GLB1: variants seen among roughly 807,000 people sequenced by gnomAD.
The protein encoded by GLB1 is beta-galactosidase.
Under a neutral mutation model 74.0 loss-of-function variants are expected in GLB1, and 56 were observed. The observed-to-expected ratio is 0.76, with a 90% CI of 0.61 to 0.94. GLB1 has a LOEUF of 0.94. Ranked by LOEUF, GLB1 falls within the 40% of genes least tolerant of loss-of-function variation. The pLI is 0.00. For missense variants in GLB1, 787 were observed against 845.5 expected, an observed-to-expected ratio of 0.93 and a Z score of 0.86; for synonymous variants, 323 against 323.6, an observed-to-expected ratio of 1.00 and a Z score of 0.02.
chr3:33,059,244 T>TACACACACAC (rs55785242), intron 5 of GLB1, among the ~76,000 whole-genome samples: 11 of 144,352 alleles, frequency 7.6e-5, no homozygotes, highest in African/African-American at 1.8e-4. Flanking sequence ...ATATAAAACA[T>TACACACACAC]ACACACACAC....
At chr3:33,081,640 C>T (rs145909688) in intron 1 of GLB1, among the ~76,000 whole-genome samples, 1 of 152,326 alleles carries the variant, frequency 6.6e-6, no homozygotes, top group Non-Finnish European at 1.5e-5. Flanking sequence ...AAGGGGCGCC[C>T]TAGTGTCGCT....
chr3:33,089,499 C>A (rs1174899976), intron 1 of GLB1, among the ~76,000 whole-genome samples: 1 of 152,052 alleles, frequency 6.6e-6, no homozygotes, highest in Non-Finnish European at 1.5e-5. Flanking sequence ...ATACAGGTGG[C>A]CAACAAGCCC....
chr3:33,042,765 T>A (rs1698559693), intron 10 of GLB1, among the ~76,000 whole-genome samples: 1 of 152,226 alleles, frequency 6.6e-6, no homozygotes, highest in Non-Finnish European at 1.5e-5. Flanking sequence ...TCTCACTGGC[T>A]GCATTCTGCC....
At chr3:33,048,636 T>G (rs1011232613) in intron 9 of GLB1, among the ~76,000 whole-genome samples, 2 of 152,148 alleles carry the variant, frequency 1.3e-5, no homozygotes, top group Admixed American at 1.3e-4. Flanking sequence ...GAACAGCTGC[T>G]AAGTACAGAC....
At chr3:33,018,653 T>C in intron 12 of GLB1, 92 bp from the exon 13 acceptor site, 2 of 1,354,966 alleles carry the variant, frequency 1.5e-6, no homozygotes, top group Middle Eastern at 1.9e-4. Context: ...GCGATGTTTC[T>C]CAAACCATAA....
the GLB1 span, among the ~76,000 whole-genome samples, chr3:32,967,416 A>T: frequency 6.6e-6 from 1 of 152,160 alleles, no homozygotes; most frequent in African/African-American, 2.4e-5. Context: ...AAAATACAAA[A>T]ATTAGTCAGG....
Position 33,058,111 on chromosome 3 carries a change from G to A in GLB1, c.711C>T (p.Tyr237=), listed in dbSNP as rs757982518. The change falls in exon 6 of 16, where the codon TAC becomes TAT. Residue 237 remains tyrosine, a synonymous_variant. Coordinates refer to ENST00000307363, the MANE Select transcript of GLB1 (RefSeq NM_000404.4). Reference sequence around the variant, plus strand: ...AACCTGTTCCAAAGTCCACCGTGGTGTAGAGGCCCTGCAGGGCCCCACATT... The same window carrying A: ...AACCTGTTCCAAAGTCCACCGTGGTATAGAGGCCCTGCAGGGCCCCACATT... ...FLKCGALQGL[Y]TTVDFGTGSN... 6.8e-6 allele frequency: 11 copies of A among 1,613,890 alleles called. No individual in the cohort carries two copies. The South Asian group carries it at 1.1e-4, about 16-fold the overall frequency.
Position 33,014,185 on chromosome 3 carries a change from ATGG to A in GLB1, c.1602_1604del (p.His535del), listed in dbSNP as rs1697144619. ...ATGAGTTGTGGGCCCAGGCTTCATCATGGTGGCCACTGTCACGGTGTCCCCAGC... is the reference window on the plus strand; with the variant it reads ...ATGAGTTGTGGGCCCAGGCTTCATCATGGCCACTGTCACGGTGTCCCCAGC... On this transcript the variant is annotated inframe_deletion, in exon 15 of 16. Coordinates refer to ENST00000307363, the MANE Select transcript of GLB1 (RefSeq NM_000404.4). 1.2e-6 allele frequency: 2 copies of A among 1,614,104 alleles called. No homozygotes were observed. Among genetic ancestry groups the A allele is most frequent in the Non-Finnish European group, 1.7e-6 (2 of 1,180,018 alleles).
intron 1 of GLB1, chr3:33,092,242 T>C: frequency 1.0e-6 from 1 of 985,750 alleles, no homozygotes; most frequent in African/African-American, 1.7e-5. Context: ...GAGCTTTGCA[T>C]TCCAGTAGAT....
At chr3:33,028,046 A>C (rs975558522) in intron 10 of GLB1, among the ~76,000 whole-genome samples, 1 of 151,980 alleles carries the variant, frequency 6.6e-6, no homozygotes, top group South Asian at 2.1e-4. Context: ...GACTATAGGC[A>C]TGCACCACCA....
chr3:33,057,922 C>T (rs991847914), intron 6 of GLB1, among the ~76,000 whole-genome samples, 167 bp downstream of exon 6: 2 of 152,210 alleles, frequency 1.3e-5, no homozygotes, highest in Non-Finnish European at 2.9e-5. Flanking sequence ...TACAGATAAC[C>T]CTCTGTTACT....
intron 5 of GLB1, among the ~76,000 whole-genome samples, chr3:33,062,090 T>A (rs1699465294): frequency 6.6e-6 from 1 of 152,208 alleles, no homozygotes; most frequent in Non-Finnish European, 1.5e-5. Context: ...AAAACCAGCA[T>A]CAAGAATTGA....
the GLB1 span, among the ~76,000 whole-genome samples, chr3:32,965,345 T>C: frequency 6.6e-6 from 1 of 152,102 alleles, no homozygotes; most frequent in African/African-American, 2.4e-5. Context: ...ATTGAGGTGG[T>C]CTCAGATGGA....
intron 1 of GLB1, among the ~76,000 whole-genome samples, chr3:33,080,039 A>G (rs925585386): frequency 6.6e-6 from 1 of 151,378 alleles, no homozygotes; most frequent in African/African-American, 2.4e-5. Context: ...CCACCTCACG[A>G]TCGCAAAGTT....
chr3:33,058,145 G>A lies in GLB1; in HGVS notation c.677C>T (p.Thr226Ile), dbSNP rs1321883475. Residue 226 changes from threonine (T) to isoleucine (I), a missense_variant, in exon 6 of 16, where the codon ACA (threonine) becomes ATA (isoleucine). Physicochemically the swap from Thr to Ile is moderately conservative, Grantham distance 89. Transcript: ENST00000307363. Reference protein sequence around the residue: ...VLFTTDGAHKTFLKCGALQGL... With the variant: ...VLFTTDGAHKIFLKCGALQGL... ...CTGCAGGGCCCCACATTTCAGGAAT[G>A]TTTTATGTGCTCCATCAGTGGTAAA... is the stretch of plus-strand genomic sequence containing the variant. 1.2e-6 allele frequency: 2 copies of A among 1,614,020 alleles called. No homozygotes were observed. Among genetic ancestry groups the A allele is most frequent in the African/African-American group, 2.7e-5 (2 of 74,930 alleles).
At chr3:32,962,713 T>C in the GLB1 span, among the ~76,000 whole-genome samples, 18 of 151,402 alleles carry the variant, frequency 1.2e-4, no homozygotes, top group Non-Finnish European at 2.2e-4. Flanking sequence ...TGAAAGAGAA[T>C]AGAAATAAAT....
intron 1 of GLB1, chr3:33,096,540 T>A (rs991929245): frequency 2.0e-6 from 2 of 984,592 alleles, no homozygotes; most frequent in African/African-American, 3.5e-5. Flanking sequence ...AGAGGGGAAA[T>A]AACCCAATGT....
At chr3:33,005,921 A>G (rs775590087) in intron 15 of GLB1, among the ~76,000 whole-genome samples, 48 of 152,228 alleles carry the variant, frequency 3.2e-4, no homozygotes, top group Admixed American at 7.2e-4. Flanking sequence ...TCTTTAAAAT[A>G]CAGAATTACT....
intron 3 of GLB1, 78 bp downstream of exon 3, chr3:33,068,742 G>C: frequency 2.5e-6 from 4 of 1,610,470 alleles, no homozygotes; most frequent in Non-Finnish European, 2.5e-6. Context: ...ATGCAGGTCT[G>C]CTTTAATTCC....
Sources: allele counts gnomAD v4.1 joint callset (sites outside exome capture counted in the v4.1 genomes callset), GRCh38; gene constraint gnomAD v4.1.1; transcripts MANE v1.5; gene names NCBI Gene and HGNC (gene_info 2026-07-23, HGNC 2026-07-21).